Variants in ARHGAP26 observed in about 807,000 individuals in gnomAD.
ARHGAP26 encodes the protein rho GTPase-activating protein 26.
A neutral mutation model predicts 104.8 loss-of-function variants in ARHGAP26; 38 were observed. The ratio of observed to expected loss-of-function variants is 0.36; its 90% CI spans 0.28 to 0.48. The LOEUF (loss-of-function observed/expected upper bound fraction) is 0.48, where lower values mean the gene tolerates loss of function less well. Among genes scored for constraint, ARHGAP26 ranks in the 20% least tolerant of loss-of-function variants. The pLI, the probability that ARHGAP26 is intolerant of heterozygous loss-of-function variation, is 0.99. For synonymous variants in ARHGAP26, 341 were observed against 340.0 expected (o/e 1.00, Z -0.03); for missense variants, 704 against 947.9 (o/e 0.74, Z 3.38).
intron 11 of ARHGAP26, among the ~76,000 whole-genome samples, chr5:143,007,266 C>G (rs1778127799): frequency 6.6e-6 from 1 of 150,942 alleles, no homozygotes; most frequent in South Asian, 2.1e-4. Context: ...CTAATGTGTT[C>G]AACTGAGAAA....
chr5:142,832,597 C>G (rs781576516), intron 1 of ARHGAP26, among the ~76,000 whole-genome samples: 1 of 152,210 alleles, frequency 6.6e-6, no homozygotes, highest in Non-Finnish European at 1.5e-5. Flanking sequence ...CTTTTGTGTG[C>G]CTGGCACAGG....
chr5:143,137,823 C>T (rs1384345497), intron 19 of ARHGAP26, among the ~76,000 whole-genome samples: 4 of 152,216 alleles, frequency 2.6e-5, no homozygotes. Context: ...TGGCAGCATA[C>T]ATTTTTCTCC....
intron 20 of ARHGAP26, among the ~76,000 whole-genome samples, chr5:143,204,602 A>G (rs1251113389): frequency 6.6e-6 from 1 of 152,200 alleles, no homozygotes; most frequent in Non-Finnish European, 1.5e-5. Context: ...AGTTACGAAT[A>G]TCCTGCATTC....
intron 4 of ARHGAP26, among the ~76,000 whole-genome samples, chr5:142,880,222 A>G (rs377494894): frequency 2.0e-5 from 3 of 152,170 alleles, no homozygotes; most frequent in African/African-American, 7.2e-5. Context: ...TTTGCCCTGT[A>G]ATAAATCACT....
At chr5:142,893,840 T>C (rs1284139348) in intron 5 of ARHGAP26, among the ~76,000 whole-genome samples, 1 of 152,158 alleles carries the variant, frequency 6.6e-6, no homozygotes, top group Non-Finnish European at 1.5e-5. Flanking sequence ...TAATTAGTGA[T>C]GTTGAACGTT....
Position 143,038,808 on chromosome 5 carries a change from G to C in ARHGAP26, c.1210+1547G>C, listed in dbSNP as rs561804804. On this transcript the variant is annotated intron_variant, in intron 13 of 22. Coordinates refer to ENST00000645722, the MANE Select transcript of ARHGAP26 (RefSeq NM_001135608.3). ...ACTCCCTGGTTCAAGGGATTCTTCT[G>C]CCTCAGCCTCCTGAGTAGCTGGGAT... 1.3e-4 allele frequency among the ~76,000 whole-genome samples: 18 copies of C among 138,726 alleles called. No individual in the cohort carries two copies. The Admixed American group carries it at 1.4e-3, about 11-fold the overall frequency. The allele number at this position is 138,726 out of a possible 152,430, so 91.0% of individuals were successfully genotyped here.
intron 5 of ARHGAP26, among the ~76,000 whole-genome samples, chr5:142,886,319 G>A (rs1419344008): frequency 2.0e-5 from 3 of 152,142 alleles, no homozygotes; most frequent in South Asian, 2.1e-4. Flanking sequence ...TAGAGTCAGA[G>A]GTTGAAAGGT....
intron 17 of ARHGAP26, among the ~76,000 whole-genome samples, chr5:143,113,996 G>A (rs1008617778): frequency 6.6e-6 from 1 of 152,134 alleles, no homozygotes; most frequent in Non-Finnish European, 1.5e-5. Flanking sequence ...GTGTAACCTC[G>A]AGCCAATTAC....
chr5:143,040,271 T>C (rs1783263225), intron 13 of ARHGAP26, among the ~76,000 whole-genome samples: 1 of 152,252 alleles, frequency 6.6e-6, no homozygotes, highest in South Asian at 2.1e-4. Context: ...ATGATGTACA[T>C]GATTTTACAG....
chr5:143,014,080 G>A lies in ARHGAP26; in HGVS notation c.1108G>A (p.Val370Ile), dbSNP rs899625740. The A allele has an allele frequency of 2.5e-6, 4 of 1,613,960 alleles. No homozygotes were observed. The highest frequency in any genetic ancestry group is 3.4e-6 in the Non-Finnish European group (4 of 1,179,976). ...WMEAMDGREP[V>I]YNSNKDSQSE... ...GTGAATTTTTATTTTTATTTTCCAG[G>A]TCTACAACTCGAACAAAGACAGCCA... The change falls in exon 12 of 23, where the codon GTC becomes ATC. Residue 370 changes from valine to isoleucine, a missense_variant and splice_region_variant. Physicochemically the swap from Val to Ile is conservative, Grantham distance 29 (BLOSUM62 3). Transcript: ENST00000645722.
intron 11 of ARHGAP26, among the ~76,000 whole-genome samples, chr5:142,990,171 C>T (rs1775379444): frequency 6.6e-6 from 1 of 152,060 alleles, no homozygotes; most frequent in African/African-American, 2.4e-5. Flanking sequence ...TCTTTTTTCT[C>T]TAAACTTCTC....
chr5:142,828,486 T>C (rs192808727), intron 1 of ARHGAP26, among the ~76,000 whole-genome samples: 1 of 152,334 alleles, frequency 6.6e-6, no homozygotes, highest in East Asian at 1.9e-4. Context: ...AAATGAAATT[T>C]AAAAGAAAAA....
intron 9 of ARHGAP26, among the ~76,000 whole-genome samples, chr5:142,910,372 C>T (rs1344246375): frequency 6.6e-6 from 1 of 152,184 alleles, no homozygotes; most frequent in Non-Finnish European, 1.5e-5. Flanking sequence ...AATATGAGGA[C>T]TGGCTGTCTA....
chr5:143,178,516 C>G (rs975585830), intron 20 of ARHGAP26, among the ~76,000 whole-genome samples: 3 of 152,228 alleles, frequency 2.0e-5, no homozygotes, highest in African/African-American at 7.2e-5. Context: ...TCTGCTGTTT[C>G]TTTTAGGATC....
chr5:143,150,710 G>A (rs1453674055), intron 20 of ARHGAP26, among the ~76,000 whole-genome samples: 1 of 152,126 alleles, frequency 6.6e-6, no homozygotes, highest in Non-Finnish European at 1.5e-5. Context: ...TGGAACAACT[G>A]GACATCCATA....
At chr5:142,797,318 T>G (rs935242250) in intron 1 of ARHGAP26, among the ~76,000 whole-genome samples, 1 of 152,226 alleles carries the variant, frequency 6.6e-6, no homozygotes, top group Non-Finnish European at 1.5e-5. Context: ...TGAGCCAGTG[T>G]TTTTATAATT....
chr5:142,967,360 G>T (rs1598423874), intron 11 of ARHGAP26, among the ~76,000 whole-genome samples: 1 of 152,198 alleles, frequency 6.6e-6, no homozygotes, highest in Non-Finnish European at 1.5e-5. Flanking sequence ...TGATGGTGTG[G>T]TGACCTCCCA....
intron 11 of ARHGAP26, among the ~76,000 whole-genome samples, chr5:142,972,370 T>C (rs1772419947): frequency 6.6e-6 from 1 of 152,064 alleles, no homozygotes; most frequent in South Asian, 2.1e-4. Flanking sequence ...CTTCTAATAT[T>C]TGAGTGAAAG....
At chr5:142,999,898 G>C (rs557865510) in intron 11 of ARHGAP26, among the ~76,000 whole-genome samples, 1 of 152,140 alleles carries the variant, frequency 6.6e-6, no homozygotes, top group Non-Finnish European at 1.5e-5. Flanking sequence ...TATCCAGAAT[G>C]TATAGAGAAC....
Sources: allele counts gnomAD v4.1 joint callset (sites outside exome capture counted in the v4.1 genomes callset), GRCh38; gene constraint gnomAD v4.1.1; transcripts MANE v1.5; gene names NCBI Gene and HGNC (gene_info 2026-07-23, HGNC 2026-07-21).